Variants in FGGY observed in about 807,000 individuals in gnomAD.
FGGY encodes FGGY carbohydrate kinase domain containing, also known as FGGY carbohydrate kinase domain-containing protein.
In FGGY, 72 loss-of-function variants were observed where a neutral mutation model predicts 71.3. That is an observed-to-expected ratio of 1.01 (90% CI 0.84 to 1.23). The LOEUF (loss-of-function observed/expected upper bound fraction) is 1.23. Among genes scored for constraint, FGGY ranks in the 50% most tolerant of loss-of-function variants. FGGY has a pLI of 0.00. For missense variants in FGGY, 668 were observed against 682.3 expected (o/e 0.98, Z 0.23); for synonymous variants, 251 against 250.3 (o/e 1.00, Z -0.02).
intron 4 of FGGY, among the ~76,000 whole-genome samples, chr1:59,361,470 C>T (rs532082128): frequency 6.6e-6 from 1 of 152,144 alleles, no homozygotes; most frequent in East Asian, 1.9e-4. Context: ...TGAGGTGAGG[C>T]AGTTTGTAAA....
chr1:59,557,494 A>C (rs1042544191), intron 8 of FGGY, among the ~76,000 whole-genome samples: 1 of 152,228 alleles, frequency 6.6e-6, no homozygotes, highest in Non-Finnish European at 1.5e-5. Flanking sequence ...GCTTCCAGGA[A>C]TCTGGAGAAA....
chr1:59,435,935 T>C (rs1021516405), intron 5 of FGGY, among the ~76,000 whole-genome samples: 9 of 152,106 alleles, frequency 5.9e-5, no homozygotes, highest in African/African-American at 1.9e-4. Flanking sequence ...AGCGAGCACA[T>C]GGGAGGAGCT....
chr1:59,516,645 G>C (rs951277086), intron 7 of FGGY, among the ~76,000 whole-genome samples: 1 of 152,210 alleles, frequency 6.6e-6, no homozygotes, highest in Non-Finnish European at 1.5e-5. Context: ...GTTGAGGTCA[G>C]TAATAGCCTC....
At chr1:59,344,051 C>T (rs1359385103) in intron 3 of FGGY, among the ~76,000 whole-genome samples, 4 of 152,144 alleles carry the variant, frequency 2.6e-5, no homozygotes, top group African/African-American at 4.8e-5. Flanking sequence ...ATCAAGGCGA[C>T]GCTAATGTGC....
At chr1:59,665,026 T>C (rs1399635240) in intron 12 of FGGY, among the ~76,000 whole-genome samples, 1 of 152,328 alleles carries the variant, frequency 6.6e-6, no homozygotes, top group Admixed American at 6.5e-5. Context: ...GTTTTTTGAA[T>C]TCAAAACTCA....
chr1:59,328,319 GT>G (rs1257275949), intron 2 of FGGY, among the ~76,000 whole-genome samples: 2 of 152,216 alleles, frequency 1.3e-5, no homozygotes, highest in Non-Finnish European at 2.9e-5. Flanking sequence ...TTCACCTTGT[GT>G]TTTTATATTA....
chr1:59,556,828 A>G (rs765230869), intron 8 of FGGY, among the ~76,000 whole-genome samples: 1 of 152,210 alleles, frequency 6.6e-6, no homozygotes, highest in Non-Finnish European at 1.5e-5. Context: ...AACGGCTCAC[A>G]TGAAGCAACT....
intron 2 of FGGY, among the ~76,000 whole-genome samples, chr1:59,330,258 C>T (rs1337902021): frequency 6.6e-6 from 1 of 151,944 alleles, no homozygotes; most frequent in Non-Finnish European, 1.5e-5. Context: ...TTTGCTTACC[C>T]AGAGCCTGGG....
intron 9 of FGGY, 71 bp from the exon 10 acceptor site, chr1:59,625,917 A>T: frequency 8.5e-7 from 1 of 1,169,920 alleles, no homozygotes; most frequent in Non-Finnish European, 1.2e-6. Context: ...TACTCATTTT[A>T]ATATAAATTT....
chr1:59,379,694 C>A (rs551563972), intron 5 of FGGY, among the ~76,000 whole-genome samples: 5 of 152,076 alleles, frequency 3.3e-5, no homozygotes, highest in African/African-American at 1.2e-4. Context: ...ACTTCATAAA[C>A]TTTTAAACTT....
Position 59,322,137 on chromosome 1 carries a change from C to T in FGGY, c.201+387C>T, listed in dbSNP as rs140929182. 7.6e-4 allele frequency among the ~76,000 whole-genome samples: 115 copies of T among 152,160 alleles called. 2 individuals carry two copies. In the East Asian group the frequency reaches 0.019, roughly 25 times the overall value. On this transcript the variant is annotated intron_variant, in intron 2 of 15. Coordinates refer to ENST00000303721, the MANE Select transcript of FGGY (RefSeq NM_018291.5). ...TGTGTAGTTGCATCTTCACATGACCCTATAAAGGTAATACTGTCACTACCC... is the reference window on the plus strand; with the variant it reads ...TGTGTAGTTGCATCTTCACATGACCTTATAAAGGTAATACTGTCACTACCC...
intron 5 of FGGY, among the ~76,000 whole-genome samples, chr1:59,432,243 C>A (rs975676076): frequency 2.6e-5 from 4 of 152,128 alleles, no homozygotes; most frequent in Admixed American, 2.6e-4. Flanking sequence ...CTTTGTCTGG[C>A]TGTTCATTTG....
At chr1:59,474,623 T>TAA (rs768529151) in intron 6 of FGGY, among the ~76,000 whole-genome samples, 14 of 152,236 alleles carry the variant, frequency 9.2e-5, no homozygotes, top group Non-Finnish European at 1.6e-4. Flanking sequence ...ACGATTTACA[T>TAA]AGGTAAATTT....
chr1:59,513,285 C>A (rs1028135979), intron 7 of FGGY, among the ~76,000 whole-genome samples: 9 of 152,200 alleles, frequency 5.9e-5, no homozygotes, highest in Admixed American at 2.0e-4. Flanking sequence ...TTGAATAGAA[C>A]AAAGTGGAAA....
intron 8 of FGGY, among the ~76,000 whole-genome samples, chr1:59,606,552 T>G (rs2096625723): frequency 6.6e-6 from 1 of 152,196 alleles, no homozygotes; most frequent in East Asian, 1.9e-4. Context: ...GAAACAGGAC[T>G]GTTTAAACTG....
At chr1:59,607,042 TC>T (rs1310462175) in intron 8 of FGGY, among the ~76,000 whole-genome samples, 3 of 152,150 alleles carry the variant, frequency 2.0e-5, no homozygotes, top group Admixed American at 6.6e-5. Context: ...GTTATTATAG[TC>T]CCCCAAATGC....
chr1:59,369,442 A>G (rs1454719539), intron 4 of FGGY, among the ~76,000 whole-genome samples: 3 of 152,230 alleles, frequency 2.0e-5, no homozygotes, highest in African/African-American at 4.8e-5. Flanking sequence ...CCACAGCTCA[A>G]GGAGGCCTGC....
At chr1:59,675,376 A>G (rs1306438086) in intron 14 of FGGY, among the ~76,000 whole-genome samples, 1 of 152,192 alleles carries the variant, frequency 6.6e-6, no homozygotes, top group African/African-American at 2.4e-5. Flanking sequence ...ATTGGGCCAT[A>G]GAGATCCAAA....
At chr1:59,570,334 C>T (rs980083389) in intron 8 of FGGY, among the ~76,000 whole-genome samples, 5 of 152,178 alleles carry the variant, frequency 3.3e-5, no homozygotes, top group Admixed American at 2.6e-4. Context: ...TCTAAATTTA[C>T]ACTTGATGAA....
Sources: gnomAD v4.1 joint callset for allele counts (sites outside exome capture counted in the v4.1 genomes callset) on GRCh38, gnomAD v4.1.1 for gene constraint, MANE v1.5 for transcripts, NCBI Gene and HGNC (gene_info 2026-07-23, HGNC 2026-07-21) for gene names.